The following RABGEF1 variants were observed in gnomAD, a reference collection of about 807,000 sequenced individuals.
The protein encoded by RABGEF1 is RAB guanine nucleotide exchange factor 1.
A neutral mutation model predicts 57.3 loss-of-function variants in RABGEF1; 26 were observed. That is an observed-to-expected ratio of 0.45 (90% CI 0.33 to 0.63). The LOEUF (loss-of-function observed/expected upper bound fraction) is 0.63, where lower values mean the gene tolerates loss of function less well. RABGEF1 is among the 20% of genes least tolerant of loss of function. The pLI, the probability that RABGEF1 is intolerant of heterozygous loss-of-function variation, is 0.02. For missense variants in RABGEF1, 464 were observed against 607.6 expected, an observed-to-expected ratio of 0.76 and a Z score of 2.48; for synonymous variants, 185 against 210.7, an observed-to-expected ratio of 0.88 and a Z score of 1.06.
upstream of RABGEF1, among the ~76,000 whole-genome samples, chr7:66,738,030 T>TTTG (rs1554311644): frequency 4.4e-3 from 651 of 146,956 alleles, 32 homozygotes; most frequent in South Asian, 0.077. Flanking sequence ...TTTGTTTTTT[T>TTTG]TTTTTTTTGA....
chr7:66,775,404 GA>G lies in RABGEF1; in HGVS notation c.346+12del. The G allele has an allele frequency of 6.2e-7, 1 of 1,611,518 alleles. No homozygotes were observed. The highest frequency in any genetic ancestry group is 1.1e-5 in the South Asian group (1 of 90,860). On this transcript the variant is annotated intron_variant, in intron 3 of 8. Coordinates refer to ENST00000284957, the MANE Select transcript of RABGEF1 (RefSeq NM_014504.3). ...TCGGATCAAAGAAGGGTAATGTTCT[GA>G]TACTCTTTTTTTTCTTCTCTGCCTG...
At chr7:66,771,629 CTTAAT>C (rs1332047004) in intron 1 of RABGEF1, among the ~76,000 whole-genome samples, 1 of 151,756 alleles carries the variant, frequency 6.6e-6, no homozygotes, top group African/African-American at 2.4e-5. Flanking sequence ...TGAGTCCTTT[CTTAAT>C]TTTTTATTTT....
intron 1 of RABGEF1, among the ~76,000 whole-genome samples, chr7:66,762,053 C>CA (rs1053284663): frequency 4.9e-4 from 72 of 146,214 alleles, no homozygotes; most frequent in Middle Eastern, 3.4e-3. Context: ...GACCCTGTCT[C>CA]AAAAAAAAAC....
At chr7:66,739,002 G>A (rs879664036), upstream of RABGEF1, among the ~76,000 whole-genome samples, 1 of 152,074 alleles carries the variant, frequency 6.6e-6, no homozygotes, top group Non-Finnish European at 1.5e-5. Context: ...CCAAGCTGGA[G>A]TGCAATGGCG....
intron 1 of RABGEF1, among the ~76,000 whole-genome samples, chr7:66,685,360 A>G (rs1055345356): frequency 1.3e-5 from 2 of 151,928 alleles, no homozygotes; most frequent in Non-Finnish European, 2.9e-5. Flanking sequence ...TGCTCTTTAG[A>G]TGTTTGAAGT....
At chr7:66,656,269 A>G in the RABGEF1 span, among the ~76,000 whole-genome samples, 6 of 152,014 alleles carry the variant, frequency 3.9e-5, no homozygotes, top group African/African-American at 7.2e-5. Context: ...GATGCGTGCC[A>G]CCACACCCAG....
At chr7:66,766,243 A>G (rs1049640603) in intron 1 of RABGEF1, among the ~76,000 whole-genome samples, 1 of 151,628 alleles carries the variant, frequency 6.6e-6, no homozygotes, top group African/African-American at 2.4e-5. Context: ...CGGGAAGTCA[A>G]GGCTGCAGTG....
intron 3 of RABGEF1, among the ~76,000 whole-genome samples, chr7:66,779,242 G>A (rs1809284043): frequency 1.3e-5 from 2 of 152,124 alleles, no homozygotes; most frequent in East Asian, 1.9e-4. Context: ...AGGGGCTCAC[G>A]CTTATGATCC....
intron 1 of RABGEF1, among the ~76,000 whole-genome samples, chr7:66,692,816 A>G (rs1791722084): frequency 6.6e-6 from 1 of 152,116 alleles, no homozygotes; most frequent in Admixed American, 6.6e-5. Context: ...GGAGACTCCA[A>G]AAAAGGAAGT....
At chr7:66,668,404 C>A in the RABGEF1 span, among the ~76,000 whole-genome samples, 2 of 152,306 alleles carry the variant, frequency 1.3e-5, no homozygotes, top group African/African-American at 4.8e-5. Flanking sequence ...GCCCCACTAT[C>A]CTATTTTAGA....
At chr7:66,806,006 A>G (rs908614225) in intron 8 of RABGEF1, among the ~76,000 whole-genome samples, 1 of 151,512 alleles carries the variant, frequency 6.6e-6, no homozygotes, top group Non-Finnish European at 1.5e-5. Context: ...TGACCTCCCT[A>G]AGAGTTGGAA....
intron 1 of RABGEF1, among the ~76,000 whole-genome samples, chr7:66,751,450 T>C (rs976994019): frequency 7.2e-5 from 11 of 152,236 alleles, no homozygotes; most frequent in Non-Finnish European, 1.5e-4. Flanking sequence ...TTTTTAGTTA[T>C]CTGAATGTGA....
chr7:66,707,834 G>T (rs1373899954), intron 1 of RABGEF1, among the ~76,000 whole-genome samples: 4 of 152,114 alleles, frequency 2.6e-5, no homozygotes, highest in Non-Finnish European at 5.9e-5. Context: ...CTTCTTGAAG[G>T]ATTGACCCTT....
At chr7:66,704,832 A>G (rs1360400152) in intron 1 of RABGEF1, among the ~76,000 whole-genome samples, 2 of 152,028 alleles carry the variant, frequency 1.3e-5, no homozygotes, top group African/African-American at 4.8e-5. Context: ...AAAAAGTTTA[A>G]ATAACCAACG....
intron 2 of RABGEF1, among the ~76,000 whole-genome samples, chr7:66,774,920 TA>T (rs1808159533): frequency 6.6e-6 from 1 of 152,224 alleles, no homozygotes; most frequent in Non-Finnish European, 1.5e-5. Context: ...TCCCATTCTG[TA>T]GCAGTTGTTT....
chr7:66,787,271 T>G (rs1174407555), intron 4 of RABGEF1, among the ~76,000 whole-genome samples: 1 of 150,608 alleles, frequency 6.6e-6, no homozygotes, highest in Admixed American at 6.7e-5. Context: ...TGACCTCAAG[T>G]GGTCTGCCCG....
chr7:66,737,599 T>C (rs1470107293), upstream of RABGEF1, among the ~76,000 whole-genome samples: 2 of 152,210 alleles, frequency 1.3e-5, no homozygotes, highest in Admixed American at 6.5e-5. Context: ...ACTGATATAG[T>C]GCTGTTCTCC....
intron 1 of RABGEF1, among the ~76,000 whole-genome samples, chr7:66,761,737 C>T (rs529214307): frequency 6.6e-6 from 1 of 152,224 alleles, no homozygotes; most frequent in East Asian, 1.9e-4. Flanking sequence ...GCCCATGAAG[C>T]CTAACACACC....
intron 1 of RABGEF1, among the ~76,000 whole-genome samples, chr7:66,705,443 A>AAGACAAAGAGAGAGAG (rs540794271): frequency 1.4e-4 from 9 of 66,370 alleles, no homozygotes; most frequent in African/African-American, 5.3e-4. Context: ...TCTCGAAAGA[A>AAGACAAAGAGAGAGAG]AGAGAGAGAG....
Sources: allele counts gnomAD v4.1 joint callset (sites outside exome capture counted in the v4.1 genomes callset), GRCh38; gene constraint gnomAD v4.1.1; transcripts MANE v1.5; gene names NCBI Gene and HGNC (gene_info 2026-07-23, HGNC 2026-07-21).